TOX: variants seen among roughly 807,000 people sequenced by gnomAD.
The protein encoded by TOX is thymocyte selection-associated high mobility group box protein TOX.
TOX carries 11 observed loss-of-function variants against 53.7 expected under a neutral mutation model. The observed-to-expected ratio is 0.20, with a 90% CI of 0.13 to 0.34. TOX has a LOEUF of 0.34. Among genes scored for constraint, TOX ranks in the 10% least tolerant of loss-of-function variants. The probability of loss-of-function intolerance (pLI) is 1.00; values close to 1 mark genes in which losing one functional copy is unlikely to be tolerated. For synonymous variants in TOX, 225 were observed against 245.3 expected (o/e 0.92, Z 0.77); for missense variants, 570 against 664.6 (o/e 0.86, Z 1.56).
intron 1 of TOX, among the ~76,000 whole-genome samples, chr8:58,986,778 A>G (rs777884484): frequency 6.6e-6 from 1 of 152,206 alleles, no homozygotes; most frequent in Non-Finnish European, 1.5e-5. Context: ...CTTGTCAGAC[A>G]ACTTATTAGC....
At chr8:58,879,137 T>TA (rs1304511006) in intron 3 of TOX, among the ~76,000 whole-genome samples, 1 of 151,488 alleles carries the variant, frequency 6.6e-6, no homozygotes, top group Non-Finnish European at 1.5e-5. Flanking sequence ...GGAAAATGCA[T>TA]AAAATCTCAT....
intron 3 of TOX, among the ~76,000 whole-genome samples, chr8:58,852,646 C>T (rs534396165): frequency 5.9e-5 from 9 of 152,300 alleles, no homozygotes; most frequent in African/African-American, 2.2e-4. Context: ...TTTCACTTAA[C>T]ATTTCTCTGG....
intron 1 of TOX, among the ~76,000 whole-genome samples, chr8:58,966,187 C>G (rs995896693): frequency 6.6e-6 from 1 of 151,980 alleles, no homozygotes; most frequent in African/African-American, 2.4e-5. Context: ...CAAGGCTGAA[C>G]CTGTTGATGA....
At chr8:58,908,730 C>G (rs955199811) in intron 3 of TOX, among the ~76,000 whole-genome samples, 1 of 152,116 alleles carries the variant, frequency 6.6e-6, no homozygotes, top group South Asian at 2.1e-4. Context: ...TCTAGCTTAG[C>G]CCCTGGAACA....
intron 1 of TOX, among the ~76,000 whole-genome samples, chr8:59,060,158 T>C (rs1803955725): frequency 1.3e-5 from 2 of 152,240 alleles, no homozygotes. Context: ...TTCCCACTAT[T>C]TTTGTAATAA....
intron 1 of TOX, among the ~76,000 whole-genome samples, chr8:59,040,095 C>T (rs957646916): frequency 9.2e-5 from 14 of 151,924 alleles, no homozygotes; most frequent in African/African-American, 3.4e-4. Context: ...TTTGGGAGGC[C>T]GAGGCGGGCG....
chr8:58,990,394 C>A (rs1315180921), intron 1 of TOX, among the ~76,000 whole-genome samples: 1 of 151,134 alleles, frequency 6.6e-6, no homozygotes, highest in Admixed American at 6.6e-5. Context: ...TTTTTTGTTT[C>A]TGTTATTCAT....
At chr8:58,829,555 C>A (rs889614941) in intron 5 of TOX, among the ~76,000 whole-genome samples, 15 of 152,228 alleles carry the variant, frequency 9.9e-5, no homozygotes, top group African/African-American at 3.6e-4. Flanking sequence ...AAGGTAGATT[C>A]CTGTAATTGT....
At chr8:58,999,102 A>G (rs1453262850) in intron 1 of TOX, among the ~76,000 whole-genome samples, 1 of 152,198 alleles carries the variant, frequency 6.6e-6, no homozygotes, top group Non-Finnish European at 1.5e-5. Flanking sequence ...TTAAATGCAA[A>G]TTGTTTTTTG....
intron 1 of TOX, among the ~76,000 whole-genome samples, chr8:58,996,722 T>A (rs1368086269): frequency 1.3e-5 from 2 of 152,324 alleles, no homozygotes; most frequent in East Asian, 3.9e-4. Context: ...TTATCGGCAA[T>A]TTCTAGCCAC....
chr8:59,107,046 T>TGGGGG (rs560703991), intron 1 of TOX, among the ~76,000 whole-genome samples: 36 of 58,138 alleles, frequency 6.2e-4, no homozygotes, highest in African/African-American at 8.9e-4. Context: ...AGCAGTTTGC[T>TGGGGG]GGGGGGGGGG....
chr8:59,069,367 A>G (rs1804152553), intron 1 of TOX, among the ~76,000 whole-genome samples: 1 of 152,146 alleles, frequency 6.6e-6, no homozygotes, highest in South Asian at 2.1e-4. Flanking sequence ...AGGAAAACAA[A>G]CAGGCTTGGG....
At chr8:59,066,641 GT>G (rs1347384616) in intron 1 of TOX, among the ~76,000 whole-genome samples, 2 of 152,038 alleles carry the variant, frequency 1.3e-5, no homozygotes, top group African/African-American at 4.8e-5. Flanking sequence ...CATTCAAAAC[GT>G]CCCCAAAATT....
chr8:58,934,540 G>C (rs1321011557), intron 3 of TOX, among the ~76,000 whole-genome samples: 4 of 152,268 alleles, frequency 2.6e-5, no homozygotes, highest in East Asian at 1.9e-4. Context: ...CACACAGCTG[G>C]TAAGCAGAAG....
intron 1 of TOX, among the ~76,000 whole-genome samples, chr8:59,088,709 G>A (rs1296377564): frequency 6.6e-6 from 1 of 152,128 alleles, no homozygotes; most frequent in East Asian, 1.9e-4. Context: ...CAATTAACAC[G>A]AACAAAGGAT....
At chr8:58,835,454 T>G (rs967172797) in intron 5 of TOX, among the ~76,000 whole-genome samples, 4 of 152,176 alleles carry the variant, frequency 2.6e-5, no homozygotes, top group Non-Finnish European at 4.4e-5. Flanking sequence ...CTCATATTTT[T>G]GGGGTCTGTA....
intron 1 of TOX, among the ~76,000 whole-genome samples, chr8:59,057,878 ACT>A (rs1803912059): frequency 6.6e-6 from 1 of 151,798 alleles, no homozygotes; most frequent in Non-Finnish European, 1.5e-5. Flanking sequence ...ACAGAGTCTC[ACT>A]CTGTCACCCA....
At chr8:58,984,082 A>G (rs1239649924) in intron 1 of TOX, among the ~76,000 whole-genome samples, 1 of 152,226 alleles carries the variant, frequency 6.6e-6, no homozygotes, top group Non-Finnish European at 1.5e-5. Flanking sequence ...TCTGATGGAT[A>G]AAAGCTTTAC....
At chr8:58,923,062 A>G (rs952997671) in intron 3 of TOX, among the ~76,000 whole-genome samples, 10 of 152,268 alleles carry the variant, frequency 6.6e-5, no homozygotes, top group African/African-American at 2.4e-4. Flanking sequence ...GGATCTTGGC[A>G]GAGCCTGAAT....
Sources: allele counts gnomAD v4.1 joint callset (sites outside exome capture counted in the v4.1 genomes callset), GRCh38; gene constraint gnomAD v4.1.1; transcripts MANE v1.5; gene names NCBI Gene and HGNC (gene_info 2026-07-23, HGNC 2026-07-21).